Variants in DAB1 observed in about 807,000 individuals in gnomAD.
The protein encoded by DAB1 is disabled homolog 1.
In DAB1, 15 loss-of-function variants were observed where a neutral mutation model predicts 64.6. That is an observed-to-expected ratio of 0.23 (90% CI 0.16 to 0.36). DAB1 has a LOEUF of 0.36. DAB1 is among the 10% of genes least tolerant of loss of function. The pLI is 1.00. For synonymous variants in DAB1, 235 were observed against 251.9 expected, an observed-to-expected ratio of 0.93 and a Z score of 0.64; for missense variants, 596 against 706.7, an observed-to-expected ratio of 0.84 and a Z score of 1.78.
chr1:57,588,748 A>T (rs1420357526), intron 7 of DAB1, among the ~76,000 whole-genome samples: 1 of 152,206 alleles, frequency 6.6e-6, no homozygotes, highest in Non-Finnish European at 1.5e-5. Flanking sequence ...AAAAGAACAG[A>T]ATTGAAAGGC....
chr1:57,691,704 C>A (rs375119200), intron 6 of DAB1, among the ~76,000 whole-genome samples: 2 of 152,004 alleles, frequency 1.3e-5, no homozygotes, highest in East Asian at 3.9e-4. Flanking sequence ...ACACTCACTG[C>A]GAAGGTCTGC....
chr1:57,817,320 T>A (rs918339664), intron 6 of DAB1, among the ~76,000 whole-genome samples: 2 of 152,170 alleles, frequency 1.3e-5, no homozygotes, highest in Admixed American at 6.5e-5. Context: ...ACCAACTGCA[T>A]AAAAGGAAGA....
intron 2 of DAB1, among the ~76,000 whole-genome samples, chr1:57,167,423 T>G (rs1440042380): frequency 6.6e-6 from 1 of 152,116 alleles, no homozygotes; most frequent in Non-Finnish European, 1.5e-5. Context: ...ACTATCTTGG[T>G]TCTCCCTCTT....
At chr1:57,082,782 G>T (rs1570657403) in intron 4 of DAB1, among the ~76,000 whole-genome samples, 1 of 152,104 alleles carries the variant, frequency 6.6e-6, no homozygotes, top group Non-Finnish European at 1.5e-5. Flanking sequence ...TGCGGTATTT[G>T]GTTTTCTGTT....
rs535408197 is a variant in DAB1 at position 58,267,339 on chromosome 1, A to G, written n.309+76013T>C. ...TTCTGGCTGGAGACAGAGATGCTCA[A>G]AAAGTGTCACCGGGGTTCTTTCTTT... On this transcript the variant is annotated intron_variant and non_coding_transcript_variant, in intron 4 of 20. Transcript: ENST00000485760. Among the ~76,000 whole-genome samples, 9 of 152,342 alleles carry G rather than the reference A, an allele frequency of 5.9e-5. No individual in the cohort carries two copies. The East Asian group carries it at 1.5e-3, about 26-fold the overall frequency.
chr1:58,195,353 G>A (rs1657616736), intron 4 of DAB1, among the ~76,000 whole-genome samples: 1 of 152,194 alleles, frequency 6.6e-6, no homozygotes, highest in East Asian at 1.9e-4. Flanking sequence ...GATACCAGAA[G>A]TAGATGATAG....
chr1:58,141,518 G>A (rs752949848), intron 5 of DAB1, among the ~76,000 whole-genome samples: 2 of 152,032 alleles, frequency 1.3e-5, no homozygotes, highest in African/African-American at 2.4e-5. Flanking sequence ...CACATCAGAG[G>A]TGCCACATAC....
intron 1 of DAB1, among the ~76,000 whole-genome samples, chr1:57,339,154 AATT>A (rs1558194761): frequency 1.0e-3 from 150 of 149,388 alleles, no homozygotes; most frequent in African/African-American, 3.5e-3. Flanking sequence ...TTTTTTAATT[AATT>A]ATTATTTTTT....
chr1:57,144,548 G>A (rs1013717299), intron 3 of DAB1, among the ~76,000 whole-genome samples: 1 of 151,948 alleles, frequency 6.6e-6, no homozygotes, highest in South Asian at 2.1e-4. Context: ...ACAAAAATTA[G>A]CCAGGCCTGG....
At chr1:57,223,539 C>A (rs1352998998) in intron 2 of DAB1, among the ~76,000 whole-genome samples, 1 of 152,166 alleles carries the variant, frequency 6.6e-6, no homozygotes, top group African/African-American at 2.4e-5. Flanking sequence ...GAGCTACGTA[C>A]ATCATTAAGT....
intron 5 of DAB1, among the ~76,000 whole-genome samples, chr1:58,031,325 G>A (rs919597864): frequency 1.3e-5 from 2 of 152,168 alleles, no homozygotes; most frequent in East Asian, 1.9e-4. Flanking sequence ...TAAGATTTGC[G>A]TTCTTCAGTA....
At chr1:57,773,614 C>T (rs1241534234) in intron 6 of DAB1, among the ~76,000 whole-genome samples, 4 of 151,910 alleles carry the variant, frequency 2.6e-5, no homozygotes, top group Non-Finnish European at 4.4e-5. Flanking sequence ...TATATATTTT[C>T]TTCTAGGAGC....
intron 7 of DAB1, among the ~76,000 whole-genome samples, chr1:57,568,779 C>G (rs558873349): frequency 2.0e-5 from 3 of 152,102 alleles, no homozygotes; most frequent in African/African-American, 7.2e-5. Context: ...CAGGAAACAA[C>G]AGGTGCTGGA....
At chr1:58,459,212 T>C (rs998292490) in intron 3 of DAB1, among the ~76,000 whole-genome samples, 2 of 152,228 alleles carry the variant, frequency 1.3e-5, no homozygotes, top group Non-Finnish European at 2.9e-5. Context: ...TCTACTGCAA[T>C]GTTACAAAAT....
At chr1:57,055,097 A>T (rs556094575) in intron 9 of DAB1, among the ~76,000 whole-genome samples, 1 of 152,330 alleles carries the variant, frequency 6.6e-6, no homozygotes, top group Admixed American at 6.5e-5. Context: ...TCCTCTCAGC[A>T]AGCATTTATG....
At position 58,192,742 on chromosome 1, in the gene DAB1, T is replaced by C. The variant is rs1054820249; in HGVS notation, n.310-42154A>G. Among the ~76,000 whole-genome samples, 4 of 152,226 alleles carry C rather than the reference T, an allele frequency of 2.6e-5. No homozygotes were observed. In the East Asian group the frequency reaches 7.7e-4, roughly 29 times the overall value. ...ACTTGGTTTGATTCCATATTTTTGC[T>C]ATTGTGAATAGTGCTGCAATAAATA... On this transcript the variant is annotated intron_variant and non_coding_transcript_variant, in intron 4 of 20. Transcript: ENST00000485760.
At chr1:57,826,440 A>G (rs950754043) in exon 2 of DAB1, 1 of 152,238 alleles carries the variant, frequency 6.6e-6, no homozygotes, top group Non-Finnish European at 1.5e-5. Context: ...GGTGGAGGTA[A>G]TACCTGACCT....
At chr1:58,303,138 T>A (rs1045034150) in intron 4 of DAB1, among the ~76,000 whole-genome samples, 4 of 152,192 alleles carry the variant, frequency 2.6e-5, no homozygotes, top group African/African-American at 9.6e-5. Context: ...CCAGCTTTCA[T>A]CTGATGCCTT....
chr1:58,357,047 A>C (rs1037905278), intron 3 of DAB1, among the ~76,000 whole-genome samples: 7 of 147,896 alleles, frequency 4.7e-5, no homozygotes, highest in Non-Finnish European at 9.0e-5. Context: ...AAAAAAAAAA[A>C]AGTTAAAGTT....
Sources: gnomAD v4.1 joint callset for allele counts (sites outside exome capture counted in the v4.1 genomes callset) on GRCh38, gnomAD v4.1.1 for gene constraint, MANE v1.5 for transcripts, NCBI Gene and HGNC (gene_info 2026-07-23, HGNC 2026-07-21) for gene names.